MYLIP: variants seen among roughly 807,000 people sequenced by gnomAD.
The protein encoded by MYLIP is myosin regulatory light chain interacting protein, also known as E3 ubiquitin-protein ligase MYLIP.
MYLIP carries 26 observed loss-of-function variants against 45.8 expected under a neutral mutation model. That is an observed-to-expected ratio of 0.57 (90% CI 0.42 to 0.79). The LOEUF is 0.79. MYLIP is among the 30% of genes least tolerant of loss of function. MYLIP has a pLI of 0.00. For synonymous variants in MYLIP, 213 were observed against 218.1 expected, an observed-to-expected ratio of 0.98 and a Z score of 0.21; for missense variants, 494 against 555.6, an observed-to-expected ratio of 0.89 and a Z score of 1.11.
rs1759680053 is a variant in MYLIP at position 16,141,816 on chromosome 6, G to A, written c.464+6G>A. 2 of 1,608,202 alleles carry A rather than the reference G, an allele frequency of 1.2e-6. No homozygotes were observed. Among genetic ancestry groups the A allele is most frequent in the East Asian group, 4.5e-5 (2 of 44,778 alleles). ...TCCTCTGCCACCTTGAACAGGTGAG[G>A]CTGTTGAATATAGTATTGTTTACAA... On this transcript the variant is annotated splice_donor_region_variant and intron_variant, in intron 3 of 6. Transcript: ENST00000356840.
intron 2 of MYLIP, among the ~76,000 whole-genome samples, chr6:16,139,262 A>G (rs934991692): frequency 3.3e-5 from 5 of 151,896 alleles, no homozygotes; most frequent in African/African-American, 9.7e-5. Context: ...TTAGACAGGC[A>G]TGGTCTAATG....
intron 4 of MYLIP, 106 bp from the exon 5 acceptor site, chr6:16,143,593 T>G: frequency 8.4e-7 from 1 of 1,193,222 alleles, no homozygotes. Flanking sequence ...AGGAAGCGTC[T>G]GATTTTTCTG....
At chr6:16,154,234 G>A in the MYLIP span, among the ~76,000 whole-genome samples, 1 of 152,100 alleles carries the variant, frequency 6.6e-6, no homozygotes, top group Non-Finnish European at 1.5e-5. Context: ...GTCTCGAATA[G>A]TTGCGACTAC....
At chr6:16,135,775 A>ATATATATATATG (rs1220728725) in intron 2 of MYLIP, among the ~76,000 whole-genome samples, 1 of 146,182 alleles carries the variant, frequency 6.8e-6, no homozygotes, top group South Asian at 2.1e-4. Context: ...ATATATATAT[A>ATATATATATATG]TATGTATGCT....
At chr6:16,144,400 A>G (rs1759741534) in intron 5 of MYLIP, among the ~76,000 whole-genome samples, 1 of 152,178 alleles carries the variant, frequency 6.6e-6, no homozygotes, top group African/African-American at 2.4e-5. Context: ...ATTTTTTAAT[A>G]GCAATATTGA....
chr6:16,158,868 TCAAAACAAAACAAAA>T, the MYLIP span, among the ~76,000 whole-genome samples: 15 of 152,136 alleles, frequency 9.9e-5, no homozygotes, highest in Admixed American at 4.6e-4. Flanking sequence ...AGACTCCGTC[TCAAAACAAAACAAAA>T]CAAAACAAAA....
chr6:16,161,644 T>G, the MYLIP span, among the ~76,000 whole-genome samples: 1 of 152,202 alleles, frequency 6.6e-6, no homozygotes, highest in African/African-American at 2.4e-5. Flanking sequence ...TAGTCGAAAA[T>G]GCTAGCACAA....
chr6:16,143,968 T>C (rs917059051), intron 5 of MYLIP, 105 bp downstream of exon 5: 4 of 1,275,020 alleles, frequency 3.1e-6, no homozygotes, highest in African/African-American at 1.5e-5. Flanking sequence ...ATGAGTCTAG[T>C]ACAGAATTTA....
intron 2 of MYLIP, among the ~76,000 whole-genome samples, chr6:16,139,608 T>C (rs1325279060): frequency 6.6e-6 from 1 of 152,242 alleles, no homozygotes; most frequent in African/African-American, 2.4e-5. Context: ...AAGAAGCCTT[T>C]TGAGGCCTGC....
intron 6 of MYLIP, 137 bp from the exon 7 acceptor site, chr6:16,146,525 A>G (rs923993552): frequency 3.0e-6 from 2 of 657,568 alleles, no homozygotes; most frequent in African/African-American, 3.6e-5. Flanking sequence ...GATCTCTACC[A>G]ATTGAAAGCT....
chr6:16,140,355 TA>T (rs3216216), intron 2 of MYLIP, among the ~76,000 whole-genome samples: 59,318 of 151,924 alleles, frequency 0.39, 12,594 homozygotes, highest in African/African-American at 0.56. Flanking sequence ...AAGTGTGACA[TA>T]ACCTTTTAGT....
At chr6:16,154,231 A>C in the MYLIP span, among the ~76,000 whole-genome samples, 2 of 152,084 alleles carry the variant, frequency 1.3e-5, no homozygotes, top group African/African-American at 4.8e-5. Flanking sequence ...AGCGTCTCGA[A>C]TAGTTGCGAC....
intron 2 of MYLIP, among the ~76,000 whole-genome samples, chr6:16,135,969 A>G (rs1484375328): frequency 6.6e-6 from 1 of 151,534 alleles, no homozygotes; most frequent in Non-Finnish European, 1.5e-5. Flanking sequence ...CCACCCATCA[A>G]TCTGTCTTAT....
intron 2 of MYLIP, among the ~76,000 whole-genome samples, chr6:16,137,486 G>A (rs1302800296): frequency 6.6e-6 from 1 of 152,098 alleles, no homozygotes; most frequent in Admixed American, 6.5e-5. Flanking sequence ...TAAAGATGTA[G>A]GTTAGTTCTT....
intron 2 of MYLIP, among the ~76,000 whole-genome samples, chr6:16,137,133 C>T (rs963102117): frequency 5.3e-5 from 8 of 152,126 alleles, no homozygotes; most frequent in Non-Finnish European, 8.8e-5. Flanking sequence ...GTTTCTAAAG[C>T]GTTACGGTTT....
At position 16,147,294 on chromosome 6, in the gene MYLIP, AG is replaced by A. The variant is rs1035532103; in HGVS notation, c.*545del. 2.0e-5 allele frequency: 3 copies of A among 153,642 alleles called. No homozygotes were observed. The highest frequency in any genetic ancestry group is 7.2e-5 in the African/African-American group (3 of 41,474). 9.5% of individuals were successfully genotyped at this position (153,642 alleles called of 1,614,324 possible). On this transcript the variant is annotated 3_prime_UTR_variant, in exon 7 of 7. Coordinates refer to ENST00000356840, the MANE Select transcript of MYLIP (RefSeq NM_013262.4). ...GATCAAGAATGATTGGAAGGCAAAC[AG>A]GTTTACAAATCAATTCTGTGACTTT...
At chr6:16,138,415 A>G (rs952028531) in intron 2 of MYLIP, among the ~76,000 whole-genome samples, 1 of 152,132 alleles carries the variant, frequency 6.6e-6, no homozygotes, top group East Asian at 1.9e-4. Flanking sequence ...TTGATTCAAA[A>G]CCACCCATAA....
rs181488807 is a variant in MYLIP, at chr6:16,143,344, T to C, written c.662+127T>C. 1.8e-3 allele frequency: 1,727 copies of C among 951,584 alleles called. 15 individuals carry two copies. The African/African-American group carries it at 0.021, about 11-fold the overall frequency. 58.9% of individuals were successfully genotyped at this position (951,584 alleles called of 1,614,324 possible). A position where few individuals can be genotyped will look rare whatever the true frequency, so the allele number is the denominator to read the frequency against. Reference sequence around the variant, plus strand: ...AGGAATGAAAGATTTCATTTTGGTATGTACATTAATTTTATTCAGGCCTAA... The same window carrying C: ...AGGAATGAAAGATTTCATTTTGGTACGTACATTAATTTTATTCAGGCCTAA... On this transcript the variant is annotated intron_variant, in intron 4 of 6. Transcript: ENST00000356840.
chr6:16,142,851 G>T (rs1759701164), intron 3 of MYLIP, among the ~76,000 whole-genome samples, 169 bp from the exon 4 acceptor site: 1 of 152,194 alleles, frequency 6.6e-6, no homozygotes, highest in Non-Finnish European at 1.5e-5. Flanking sequence ...CAGTGTCTTA[G>T]ACGTTTTTTA....
Sources: allele counts gnomAD v4.1 joint callset (sites outside exome capture counted in the v4.1 genomes callset), GRCh38; gene constraint gnomAD v4.1.1; transcripts MANE v1.5; gene names NCBI Gene and HGNC (gene_info 2026-07-23, HGNC 2026-07-21).